The following EP300 variants were observed in gnomAD, a reference collection of about 807,000 sequenced individuals.
EP300 encodes the protein histone acetyltransferase p300.
In EP300, 31 loss-of-function variants were observed where a neutral mutation model predicts 264.0. That is an observed-to-expected ratio of 0.12 (90% CI 0.09 to 0.16). The LOEUF (loss-of-function observed/expected upper bound fraction) is 0.16, where lower values mean the gene tolerates loss of function less well. EP300 is among the 10% of genes least tolerant of loss of function. The probability of loss-of-function intolerance (pLI) is 1.00; values close to 1 mark genes in which losing one functional copy is unlikely to be tolerated. For synonymous variants in EP300, 1,340 were observed against 1,045.4 expected (o/e 1.28, Z -5.44); for missense variants, 2,766 against 3,052.9 (o/e 0.91, Z 2.21).
At chr22:41,162,576 T>C in intron 20 of EP300, 147 bp from the exon 21 acceptor site, 1 of 651,492 alleles carries the variant, frequency 1.5e-6, no homozygotes, top group Non-Finnish European at 2.8e-6. Context: ...ATGCATTTTG[T>C]GTGAGCCAAG....
At chr22:41,114,655 A>G (rs61494423) in intron 1 of EP300, among the ~76,000 whole-genome samples, 2,362 of 152,298 alleles carry the variant, frequency 0.016, 45 homozygotes, top group African/African-American at 0.05. Flanking sequence ...TGTTGCCAGT[A>G]GGCAAGGAGC....
chr22:41,141,255 G>T (rs1053382737), intron 10 of EP300, 33 bp downstream of exon 10: 2 of 1,594,936 alleles, frequency 1.3e-6, no homozygotes, highest in Non-Finnish European at 1.7e-6. Context: ...CTGTTTGAGA[G>T]AAATTGATAA....
In EP300 at chr22:41,177,105, G is replaced by C; in HGVS notation, c.5394G>C (p.Glu1798Asp). The C allele has an allele frequency of 6.2e-7, 1 of 1,614,142 alleles. No individual in the cohort carries two copies. The change falls in exon 31 of 31, where the codon GAG (glutamate) becomes GAC (aspartate). Residue 1798 changes from glutamate (E) to aspartate (D), a missense_variant. Transcript: ENST00000263253. ...GCTACCATGCCAAGCACTGCCAGGAGAACAAATGCCCGGTGCCGTTCTGCC... is the reference window on the plus strand; with the variant it reads ...GCTACCATGCCAAGCACTGCCAGGACAACAAATGCCCGGTGCCGTTCTGCC... ...LCCYHAKHCQ[E>D]NKCPVPFCLN...
At chr22:41,110,575 G>T (rs1295668553) in intron 1 of EP300, among the ~76,000 whole-genome samples, 1 of 151,942 alleles carries the variant, frequency 6.6e-6, no homozygotes, top group Non-Finnish European at 1.5e-5. Context: ...TGGGATTGCA[G>T]ATGTGAGCTA....
At chr22:41,169,469 T>C (rs770036015) in intron 25 of EP300, 34 bp from the exon 26 acceptor site, 1 of 1,442,518 alleles carries the variant, frequency 6.9e-7, no homozygotes, top group Admixed American at 1.7e-5. Flanking sequence ...ACCTGACTTT[T>C]TTTTTCCTCT....
intron 1 of EP300, among the ~76,000 whole-genome samples, chr22:41,115,685 T>C (rs1431262932): frequency 6.6e-6 from 1 of 152,174 alleles, no homozygotes. Flanking sequence ...GTACTGAGAT[T>C]ACAGGTGTGA....
At chr22:41,130,161 G>C (rs918800093) in intron 5 of EP300, among the ~76,000 whole-genome samples, 158 bp downstream of exon 5, 1 of 151,176 alleles carries the variant, frequency 6.6e-6, no homozygotes, top group African/African-American at 2.4e-5. Context: ...CTAGTGCATA[G>C]AATTGAACTG....
intron 2 of EP300, among the ~76,000 whole-genome samples, chr22:41,119,930 T>C (rs1317591483): frequency 6.6e-6 from 1 of 152,134 alleles, no homozygotes; most frequent in Non-Finnish European, 1.5e-5. Context: ...TTCTCCTGCC[T>C]CAGGCTCCAA....
intron 4 of EP300, 81 bp downstream of exon 4, chr22:41,127,829 G>A: frequency 6.4e-7 from 1 of 1,560,336 alleles, no homozygotes. Flanking sequence ...AGTCTATTTT[G>A]TGGTGATGGA....
At chr22:41,156,239 C>T (rs2059076173) in intron 17 of EP300, among the ~76,000 whole-genome samples, 1 of 152,030 alleles carries the variant, frequency 6.6e-6, no homozygotes, top group Non-Finnish European at 1.5e-5. Flanking sequence ...TCTCAAACTC[C>T]CAACCTCAGA....
chr22:41,133,174 G>A (rs1190910670), intron 6 of EP300, among the ~76,000 whole-genome samples: 4 of 11,092 alleles, frequency 3.6e-4, no homozygotes, highest in Admixed American at 4.4e-3. Context: ...CCCCCACCCC[G>A]GAAACAGAGT....
intron 1 of EP300, among the ~76,000 whole-genome samples, chr22:41,094,477 C>G (rs981125252): frequency 2.6e-5 from 4 of 152,166 alleles, no homozygotes; most frequent in East Asian, 3.8e-4. Context: ...AGGAATCTTG[C>G]GAGTTCCTCT....
chr22:41,164,348 A>T (rs1045689009), intron 22 of EP300, among the ~76,000 whole-genome samples: 4 of 152,226 alleles, frequency 2.6e-5, no homozygotes, highest in Admixed American at 2.6e-4. Context: ...CATTCTTCTT[A>T]GCCATATAAA....
intron 17 of EP300, 141 bp from the exon 18 acceptor site, chr22:41,157,028 A>T (rs754619493): frequency 1.1e-5 from 10 of 936,326 alleles, no homozygotes; most frequent in Non-Finnish European, 1.6e-5. Context: ...GAAGTGATGG[A>T]CATCAGTCAC....
intron 14 of EP300, among the ~76,000 whole-genome samples, chr22:41,150,975 G>A (rs2059041023): frequency 6.6e-6 from 1 of 151,758 alleles, no homozygotes; most frequent in Admixed American, 6.6e-5. Context: ...TATAGACCCA[G>A]AACAACCTGT....
chr22:41,149,333 A>T (rs893134899), intron 13 of EP300, among the ~76,000 whole-genome samples, 158 bp downstream of exon 13: 6 of 152,180 alleles, frequency 3.9e-5, no homozygotes, highest in Non-Finnish European at 8.8e-5. Flanking sequence ...ACATGAAGAG[A>T]TTATTCTGTG....
Position 41,117,330 on chromosome 22 carries a change from C to G in EP300, c.238C>G (p.Gln80Glu). Residue 80 changes from glutamine to glutamate, a missense_variant, in exon 2 of 31, where the codon CAG becomes GAG. By Grantham distance (29) the Gln-to-Glu change is conservative. Coordinates refer to ENST00000263253, the MANE Select transcript of EP300 (RefSeq NM_001429.4). Reference sequence around the variant, plus strand: ...ACAAGATGCAGCTTCTAAACATAAACAGCTGTCAGAATTGCTGCGATCTGG... The same window carrying G: ...ACAAGATGCAGCTTCTAAACATAAAGAGCTGTCAGAATTGCTGCGATCTGG... Reference protein sequence around the residue: ...MVQDAASKHKQLSELLRSGSS... With the variant: ...MVQDAASKHKELSELLRSGSS... 2 of 1,614,220 alleles carry G rather than the reference C, an allele frequency of 1.2e-6. No homozygotes were observed. The highest frequency in any genetic ancestry group is 1.7e-6 in the Non-Finnish European group (2 of 1,180,040).
rs2059089448 is a variant in EP300 at position 41,158,433 on chromosome 22, C to T, written c.3523C>T (p.Leu1175=). 2 of 1,614,164 alleles carry T rather than the reference C, an allele frequency of 1.2e-6. No homozygotes were observed. Among genetic ancestry groups the T allele is most frequent in the South Asian group, 2.2e-5 (2 of 91,084 alleles). Residue 1175 remains leucine (L), a synonymous_variant, in exon 19 of 31, where the codon CTG becomes TTG. Coordinates refer to ENST00000263253, the MANE Select transcript of EP300 (RefSeq NM_001429.4). ...GRKLEFSPQT[L]CCYGKQLCTI... ...GCAGTTGGAGTTCTCTCCACAGACA[C>T]TGTGTTGCTACGGCAAACAGTTGTG...
In EP300 at chr22:41,168,657, T is replaced by C. The variant is rs1203113999; in HGVS notation, c.4025+58T>C. 3.7e-6 allele frequency: 6 copies of C among 1,614,104 alleles called. No individual in the cohort carries two copies. In the African/African-American group the frequency reaches 8.0e-5, roughly 22 times the overall value. ...GGATCCAAAATTGCTCATACATGGT[T>C]ACTATTGGTGATTCCAGTCTGAATG... On this transcript the variant is annotated intron_variant, in intron 24 of 30. Coordinates refer to ENST00000263253, the MANE Select transcript of EP300 (RefSeq NM_001429.4).
Sources: gnomAD v4.1 joint callset for allele counts (sites outside exome capture counted in the v4.1 genomes callset) on GRCh38, gnomAD v4.1.1 for gene constraint, MANE v1.5 for transcripts, NCBI Gene and HGNC (gene_info 2026-07-23, HGNC 2026-07-21) for gene names.